The following LMO7 variants were observed in gnomAD, a reference collection of about 807,000 sequenced individuals.
The protein encoded by LMO7 is LIM domain 7.
Under a neutral mutation model 206.5 loss-of-function variants are expected in LMO7, and 120 were observed. The observed-to-expected ratio is 0.58, with a 90% CI of 0.50 to 0.68. The LOEUF is 0.68. Ranked by LOEUF, LMO7 falls within the 30% of genes least tolerant of loss-of-function variation. The probability of loss-of-function intolerance (pLI) is 0.00; values close to 1 mark genes in which losing one functional copy is unlikely to be tolerated. For missense variants in LMO7, 1,959 were observed against 1,957.9 expected (o/e 1.00, Z -0.01); for synonymous variants, 706 against 681.5 (o/e 1.04, Z -0.56).
chr13:75,633,560 T>C (rs1226862378), upstream of LMO7, among the ~76,000 whole-genome samples: 1 of 152,050 alleles, frequency 6.6e-6, no homozygotes, highest in African/African-American at 2.4e-5. Context: ...CAAAGAAGCC[T>C]AAGATAAATC....
At chr13:75,639,430 A>G (rs947579366) in intron 1 of LMO7, among the ~76,000 whole-genome samples, 14 of 152,216 alleles carry the variant, frequency 9.2e-5, no homozygotes, top group Non-Finnish European at 1.6e-4. Flanking sequence ...ACATAGTTGG[A>G]AAGGCTGTTT....
At chr13:75,637,897 CT>C (rs1390956925) in intron 1 of LMO7, among the ~76,000 whole-genome samples, 1 of 152,084 alleles carries the variant, frequency 6.6e-6, no homozygotes, top group Non-Finnish European at 1.5e-5. Context: ...AAACTTTGAG[CT>C]GGTCTGAAGG....
intron 3 of LMO7, among the ~76,000 whole-genome samples, chr13:75,729,924 T>A (rs1001236756): frequency 8.5e-5 from 13 of 152,140 alleles, no homozygotes; most frequent in African/African-American, 3.1e-4. Flanking sequence ...ATATGCTGGA[T>A]TACATTGATT....
At chr13:75,783,890 C>G (rs1352123074) in intron 4 of LMO7, among the ~76,000 whole-genome samples, 1 of 152,104 alleles carries the variant, frequency 6.6e-6, no homozygotes, top group Non-Finnish European at 1.5e-5. Flanking sequence ...AATACCTTTT[C>G]TAGGTTACAG....
chr13:75,788,570 CA>C (rs2052785804), intron 4 of LMO7, among the ~76,000 whole-genome samples: 1 of 151,816 alleles, frequency 6.6e-6, no homozygotes, highest in Non-Finnish European at 1.5e-5. Context: ...ACATATCTTA[CA>C]TATTTAAACC....
intron 1 of LMO7, among the ~76,000 whole-genome samples, chr13:75,684,882 G>A (rs1257817596): frequency 6.6e-6 from 1 of 151,908 alleles, no homozygotes; most frequent in Admixed American, 6.6e-5. Context: ...ATGTTACTTT[G>A]TCTCTTTAAG....
chr13:75,716,653 CTG>C (rs2043556519), intron 2 of LMO7, among the ~76,000 whole-genome samples: 2 of 152,136 alleles, frequency 1.3e-5, no homozygotes, highest in Admixed American at 1.3e-4. Context: ...GTTCATTAAT[CTG>C]TCTTCTTTCT....
intron 13 of LMO7, among the ~76,000 whole-genome samples, chr13:75,819,926 A>G (rs928971733): frequency 6.6e-6 from 1 of 152,194 alleles, no homozygotes; most frequent in Non-Finnish European, 1.5e-5. Context: ...AATATAACGA[A>G]GTTCTTTTTC....
chr13:75,670,191 T>A (rs1287139629), intron 1 of LMO7, among the ~76,000 whole-genome samples: 1 of 152,204 alleles, frequency 6.6e-6, no homozygotes, highest in Non-Finnish European at 1.5e-5. Context: ...GATGAATTAG[T>A]ATGGGAATCA....
chr13:75,646,768 A>G (rs1373381222), intron 1 of LMO7, among the ~76,000 whole-genome samples: 1 of 151,914 alleles, frequency 6.6e-6, no homozygotes, highest in Non-Finnish European at 1.5e-5. Flanking sequence ...TATTTTTAGT[A>G]GAGACAGGGT....
chr13:75,777,499 T>G (rs1212448744), intron 4 of LMO7, among the ~76,000 whole-genome samples: 1 of 152,178 alleles, frequency 6.6e-6, no homozygotes, highest in Non-Finnish European at 1.5e-5. Flanking sequence ...CTTAACTCTA[T>G]TTACACATCA....
At chr13:75,806,251 G>T in intron 9 of LMO7, 1 of 990,220 alleles carries the variant, frequency 1.0e-6, no homozygotes, top group Non-Finnish European at 1.2e-6. Context: ...TAGTGCTTCG[G>T]ATGAGCCCAG....
At chr13:75,753,657 A>G (rs969893751) in intron 3 of LMO7, among the ~76,000 whole-genome samples, 1 of 152,156 alleles carries the variant, frequency 6.6e-6, no homozygotes, top group Admixed American at 6.5e-5. Flanking sequence ...TGATGGTTTT[A>G]TAAGGGGCTC....
chr13:75,658,559 A>G (rs1201958305), intron 1 of LMO7, among the ~76,000 whole-genome samples: 1 of 151,998 alleles, frequency 6.6e-6, no homozygotes, highest in African/African-American at 2.4e-5. Flanking sequence ...ACAGCTCTGA[A>G]TGGTATCTTA....
chr13:75,800,687 C>G lies in LMO7; in HGVS notation c.466C>G (p.Leu156Val). The G allele has an allele frequency of 6.2e-7, 1 of 1,613,868 alleles. No individual in the cohort carries two copies. Among genetic ancestry groups the G allele is most frequent in the Non-Finnish European group, 8.5e-7 (1 of 1,179,796 alleles). The change falls in exon 7 of 31, where the codon CTC (leucine) becomes GTC (valine). Residue 156 changes from leucine to valine, a missense_variant. By Grantham distance (32) the Leu-to-Val change is conservative (BLOSUM62 1). Transcript: ENST00000377534. ...CTTTAAAAAACGTTTTCTTTAGGCA[C>G]TCGAAGACTCCAGCTTCCTGAAAAG... ...NLLGQALTKA[L>V]EDSSFLKRSG...
At chr13:75,755,417 C>G (rs2047608004) in intron 3 of LMO7, among the ~76,000 whole-genome samples, 1 of 152,006 alleles carries the variant, frequency 6.6e-6, no homozygotes, top group Non-Finnish European at 1.5e-5. Flanking sequence ...TTCTGCTTTT[C>G]TTCTGATTTA....
intron 4 of LMO7, among the ~76,000 whole-genome samples, chr13:75,772,526 A>C (rs2049896079): frequency 6.6e-6 from 1 of 152,084 alleles, no homozygotes. Context: ...ACAGGTATGG[A>C]AACTGAGATG....
chr13:75,746,380 T>C (rs1469408000), intron 3 of LMO7, among the ~76,000 whole-genome samples: 4 of 152,200 alleles, frequency 2.6e-5, no homozygotes, highest in Non-Finnish European at 4.4e-5. Context: ...GGGTGATCAC[T>C]GGAAGCCAGC....
chr13:75,854,269 G>C (rs2060739589), intron 28 of LMO7, among the ~76,000 whole-genome samples: 1 of 152,172 alleles, frequency 6.6e-6, no homozygotes, highest in Admixed American at 6.5e-5. Context: ...CATCAGATAA[G>C]AGACTTTCAT....
Sources: allele counts gnomAD v4.1 joint callset (sites outside exome capture counted in the v4.1 genomes callset), GRCh38; gene constraint gnomAD v4.1.1; transcripts MANE v1.5; gene names NCBI Gene and HGNC (gene_info 2026-07-23, HGNC 2026-07-21).